The following LRP12 variants were observed in gnomAD, a reference collection of about 807,000 sequenced individuals.
The protein encoded by LRP12 is LDL receptor related protein 12.
In LRP12, 14 loss-of-function variants were observed where a neutral mutation model predicts 66.0. That is an observed-to-expected ratio of 0.21 (90% CI 0.14 to 0.33). LRP12 has a LOEUF of 0.33. Ranked by LOEUF, LRP12 falls within the 10% of genes least tolerant of loss-of-function variation. The probability of loss-of-function intolerance (pLI) is 1.00; values close to 1 mark genes in which losing one functional copy is unlikely to be tolerated. For synonymous variants in LRP12, 357 were observed against 359.1 expected (o/e 0.99, Z 0.07); for missense variants, 889 against 1,053.4 (o/e 0.84, Z 2.16).
At chr8:104,550,267 T>A (rs911860059) in intron 1 of LRP12, among the ~76,000 whole-genome samples, 1 of 152,200 alleles carries the variant, frequency 6.6e-6, no homozygotes, top group Non-Finnish European at 1.5e-5. Flanking sequence ...GCTACCAGTA[T>A]TTAAGCAAAT....
At chr8:104,509,701 T>C (rs558218542) in intron 2 of LRP12, among the ~76,000 whole-genome samples, 3 of 152,086 alleles carry the variant, frequency 2.0e-5, no homozygotes, top group South Asian at 2.1e-4. Flanking sequence ...TTCTCAACAA[T>C]AGAAAAAAAA....
At chr8:104,551,739 A>T (rs1811728353) in intron 1 of LRP12, among the ~76,000 whole-genome samples, 1 of 152,142 alleles carries the variant, frequency 6.6e-6, no homozygotes, top group Admixed American at 6.6e-5. Flanking sequence ...ACCACATTTT[A>T]ACTGCTAGTC....
At chr8:104,588,710 G>T in intron 1 of LRP12, 109 bp downstream of exon 1, 2 of 843,848 alleles carry the variant, frequency 2.4e-6, no homozygotes, top group Non-Finnish European at 3.7e-6. Context: ...CCCGCCGGTA[G>T]CCAGGGTCTC....
chr8:104,583,876 A>G (rs1812291885), intron 1 of LRP12, among the ~76,000 whole-genome samples: 1 of 152,198 alleles, frequency 6.6e-6, no homozygotes, highest in Non-Finnish European at 1.5e-5. Context: ...GTAAGTATTA[A>G]GTACTTGTAA....
intron 2 of LRP12, among the ~76,000 whole-genome samples, chr8:104,527,383 C>T (rs868597672): frequency 1.3e-5 from 2 of 149,336 alleles, no homozygotes; most frequent in South Asian, 2.1e-4. Flanking sequence ...ACATGCACAC[C>T]TATGTTTACT....
At chr8:104,511,447 G>A (rs571168016) in intron 2 of LRP12, among the ~76,000 whole-genome samples, 36 of 151,954 alleles carry the variant, frequency 2.4e-4, no homozygotes, top group Middle Eastern at 6.8e-3. Flanking sequence ...ATTCTTGGGC[G>A]CAGGTGATCC....
In LRP12 at chr8:104,489,419, T is replaced by A. The variant is rs984983770; in HGVS notation, c.*1254A>T. ...AAATAGCAAATCACACACAGATACATTTTTCATAATCATTAAACTACTAAA... is the reference window on the plus strand; with the variant it reads ...AAATAGCAAATCACACACAGATACAATTTTCATAATCATTAAACTACTAAA... On this transcript the variant is annotated 3_prime_UTR_variant, in exon 7 of 7. Transcript: ENST00000276654. 1.3e-5 allele frequency: 2 copies of A among 152,484 alleles called. No homozygotes were observed. The highest frequency in any genetic ancestry group is 4.8e-5 in the African/African-American group (2 of 41,400). The allele number at this position is 152,484 out of a possible 1,614,324, so 9.4% of individuals were successfully genotyped here. A position where few individuals can be genotyped will look rare whatever the true frequency, so the allele number is the denominator to read the frequency against.
intron 1 of LRP12, among the ~76,000 whole-genome samples, chr8:104,543,845 C>T (rs1037299058): frequency 6.6e-6 from 1 of 152,108 alleles, no homozygotes; most frequent in Non-Finnish European, 1.5e-5. Flanking sequence ...TCACCTGAAC[C>T]TGCGAGGCGG....
chr8:104,581,046 A>G (rs531932706), intron 1 of LRP12, among the ~76,000 whole-genome samples: 13 of 152,384 alleles, frequency 8.5e-5, no homozygotes, highest in Non-Finnish European at 1.8e-4. Flanking sequence ...ATGCCCATCA[A>G]TGACAGACTG....
Position 104,497,212 on chromosome 8 carries a change from T to C in LRP12, c.1340A>G (p.Asn447Ser). Residue 447 changes from asparagine (N) to serine (S), a missense_variant, in exon 5 of 7, where the codon AAC becomes AGC. By Grantham distance (46) the Asn-to-Ser change is conservative. Coordinates refer to ENST00000276654, the MANE Select transcript of LRP12 (RefSeq NM_013437.5). The surrounding 1 kb of genome is among the most constrained non-coding windows in gnomAD (Gnocchi z 4.3). The stretch of plus-strand genomic sequence containing the variant: ...ATTTCCTGGTTGGCAAAAAAAGCAG[T>C]TTTTTTCATCTGAGCCATTTGGGCA... Reference protein sequence around the residue: ...NHCPNGSDEKNCFFCQPGNFH... With the variant: ...NHCPNGSDEKSCFFCQPGNFH... 6.2e-7 allele frequency: 1 copy of C among 1,611,916 alleles called. No individual in the cohort carries two copies. The highest frequency in any genetic ancestry group is 8.5e-7 in the Non-Finnish European group (1 of 1,178,950).
intron 1 of LRP12, among the ~76,000 whole-genome samples, chr8:104,541,164 T>C (rs1009935859): frequency 2.0e-5 from 3 of 152,342 alleles, no homozygotes; most frequent in East Asian, 1.9e-4. Context: ...AACTACTATA[T>C]TGTTTAAAGT....
At chr8:104,557,531 A>C (rs1033977754) in intron 1 of LRP12, among the ~76,000 whole-genome samples, 2 of 147,834 alleles carry the variant, frequency 1.4e-5, no homozygotes, top group Non-Finnish European at 3.0e-5. Context: ...GCAATAGCTA[A>C]AAAAAAAAAA....
intron 1 of LRP12, among the ~76,000 whole-genome samples, chr8:104,563,220 A>AT (rs1811942843): frequency 6.6e-6 from 1 of 152,160 alleles, no homozygotes; most frequent in Non-Finnish European, 1.5e-5. Context: ...ATGTATATGT[A>AT]TTTATTTACA....
chr8:104,576,473 T>TA, intron 1 of LRP12, among the ~76,000 whole-genome samples: 1 of 152,264 alleles, frequency 6.6e-6, no homozygotes, highest in South Asian at 2.1e-4. Context: ...TCAAAATTCT[T>TA]AAAGAAATTC....
chr8:104,514,963 A>G (rs1811055590), intron 2 of LRP12, among the ~76,000 whole-genome samples: 1 of 152,314 alleles, frequency 6.6e-6, no homozygotes, highest in East Asian at 1.9e-4. Flanking sequence ...ACAGTGACTG[A>G]AAGAGGATGT....
chr8:104,571,054 T>C (rs1163970281), intron 1 of LRP12, among the ~76,000 whole-genome samples: 1 of 152,090 alleles, frequency 6.6e-6, no homozygotes, highest in African/African-American at 2.4e-5. Flanking sequence ...AATAAAAATA[T>C]TAACAATACC....
At chr8:104,572,041 T>C (rs1458209507) in intron 1 of LRP12, among the ~76,000 whole-genome samples, 1 of 152,208 alleles carries the variant, frequency 6.6e-6, no homozygotes, top group Non-Finnish European at 1.5e-5. Flanking sequence ...CTTCAATAGG[T>C]GAACTGATAA....
At chr8:104,548,633 T>TATAATTAAATTAATTATATAATTATTAA in intron 1 of LRP12, among the ~76,000 whole-genome samples, 2 of 143,494 alleles carry the variant, frequency 1.4e-5, no homozygotes, top group African/African-American at 5.1e-5. Flanking sequence ...ATAATTATTA[T>TATAATTAAATTAATTATATAATTATTAA]ATAATTAAAT....
intron 2 of LRP12, among the ~76,000 whole-genome samples, chr8:104,511,796 G>A (rs776623538): frequency 1.3e-5 from 2 of 152,072 alleles, no homozygotes; most frequent in Non-Finnish European, 2.9e-5. Context: ...ACTGCCAAAG[G>A]GCATCTGTTT....
Sources: gnomAD v4.1 joint callset for allele counts (sites outside exome capture counted in the v4.1 genomes callset) on GRCh38, gnomAD v4.1.1 for gene constraint, Gnocchi (gnomAD v3.1) non-coding constraint, MANE v1.5 for transcripts, NCBI Gene and HGNC (gene_info 2026-07-23, HGNC 2026-07-21) for gene names.